The following MYO10 variants were observed in gnomAD, a reference collection of about 807,000 sequenced individuals.
MYO10 encodes myosin X.
A neutral mutation model predicts 257.3 loss-of-function variants in MYO10; 133 were observed. That is an observed-to-expected ratio of 0.52 (90% CI 0.45 to 0.60). MYO10 has a LOEUF of 0.60. MYO10 is among the 20% of genes least tolerant of loss of function. MYO10 has a pLI of 0.00. For missense variants in MYO10, 2,399 were observed against 2,635.7 expected, an observed-to-expected ratio of 0.91 and a Z score of 1.97; for synonymous variants, 1,104 against 1,028.6, an observed-to-expected ratio of 1.07 and a Z score of -1.40.
chr5:16,927,720 T>TG (rs978843761), intron 1 of MYO10, among the ~76,000 whole-genome samples: 1 of 152,210 alleles, frequency 6.6e-6, no homozygotes, highest in African/African-American at 2.4e-5. Context: ...AGCTATTAGT[T>TG]GGACAATTCC....
chr5:16,701,469 A>G lies in MYO10; in HGVS notation c.2926T>C (p.Cys976Arg), dbSNP rs778735957. 4 of 1,613,868 alleles carry G rather than the reference A, an allele frequency of 2.5e-6. No individual in the cohort carries two copies. In the Admixed American group the frequency reaches 6.7e-5, roughly 27 times the overall value. Residue 976 changes from cysteine (C) to arginine (R), a missense_variant, in exon 25 of 41, where the codon TGC (cysteine) becomes CGC (arginine). Cys to Arg is a radical substitution (Grantham distance 180). Around this residue, in one of 3 missense-constraint regions of MYO10, gnomAD observed 1,820 missense variants for 1,939.4 expected, o/e 0.94. Transcript: ENST00000513610. This position sits in a 1 kb window ranked among gnomAD's most constrained non-coding sequence, Gnocchi z 8.1. ...EFSSELAESA[C>R]EEKPNFNFSQ... Reference sequence around the variant, plus strand: ...AAGTTGAAGTTGGGCTTCTCCTCGCATGCGCTCTCAGCCAGCTCGCTGGAA... The same window carrying G: ...AAGTTGAAGTTGGGCTTCTCCTCGCGTGCGCTCTCAGCCAGCTCGCTGGAA...
chr5:16,910,445 T>C (rs1270581334), intron 1 of MYO10, among the ~76,000 whole-genome samples: 3 of 152,158 alleles, frequency 2.0e-5, no homozygotes, highest in Admixed American at 6.5e-5. Flanking sequence ...TTCCATAGTG[T>C]GACATCTATA....
chr5:16,701,885 T>A lies in MYO10; in HGVS notation c.2557-47A>T, dbSNP rs1738098956. On this transcript the variant is annotated intron_variant, in intron 24 of 40. Transcript: ENST00000513610. The surrounding 1 kb of genome is among the most constrained non-coding windows in gnomAD (Gnocchi z 8.1). Reference sequence around the variant, plus strand: ...ATTTCAGAAGGCTTCAGTACAAAAGTCCAAGCATAGCTCCCGCTTTGCAAC... The same window carrying A: ...ATTTCAGAAGGCTTCAGTACAAAAGACCAAGCATAGCTCCCGCTTTGCAAC... The A allele has an allele frequency of 3.3e-6, 5 of 1,536,954 alleles. No homozygotes were observed. The South Asian group carries it at 3.9e-5, about 12-fold the overall frequency.
chr5:16,817,977 A>T, intron 3 of MYO10, 32 bp downstream of exon 3: 1 of 1,450,922 alleles, frequency 6.9e-7, no homozygotes, highest in South Asian at 1.5e-5. Flanking sequence ...AAACGTGAGG[A>T]TCTTTTTAAA....
Position 16,666,650 on chromosome 5 carries a change from G to A in MYO10, c.*42C>T. The A allele has an allele frequency of 6.6e-7, 1 of 1,503,896 alleles. No homozygotes were observed. Among genetic ancestry groups the A allele is most frequent in the Non-Finnish European group, 9.0e-7 (1 of 1,109,582 alleles). The allele number at this position is 1,503,896 out of a possible 1,614,324, so 93.2% of individuals were successfully genotyped here. A position where few individuals can be genotyped will look rare whatever the true frequency, so the allele number is the denominator to read the frequency against. On this transcript the variant is annotated 3_prime_UTR_variant, in exon 41 of 41. Transcript: ENST00000513610. ...CTGGAGCCAGCCTAGGCCAGAGGGT[G>A]GTGCGTTCAGGTAGCAAAGACAGGT...
chr5:16,888,269 C>T (rs1744947281), intron 1 of MYO10, among the ~76,000 whole-genome samples: 1 of 152,126 alleles, frequency 6.6e-6, no homozygotes, highest in Non-Finnish European at 1.5e-5. Context: ...TGACTCACAC[C>T]TGTAATCTCA....
At chr5:16,805,343 TCCCA>T (rs1742240165) in intron 3 of MYO10, among the ~76,000 whole-genome samples, 1 of 149,878 alleles carries the variant, frequency 6.7e-6, no homozygotes, top group Non-Finnish European at 1.5e-5. Flanking sequence ...ATGCCTGTAA[TCCCA>T]GCTACTCGGG....
intron 1 of MYO10, among the ~76,000 whole-genome samples, chr5:16,899,285 T>C (rs1412299490): frequency 1.3e-5 from 2 of 152,104 alleles, no homozygotes; most frequent in Non-Finnish European, 2.9e-5. Flanking sequence ...TCTACTTTAC[T>C]TCAACATTCA....
intron 39 of MYO10, among the ~76,000 whole-genome samples, chr5:16,670,013 A>G (rs1736368420): frequency 6.6e-6 from 1 of 152,212 alleles, no homozygotes; most frequent in South Asian, 2.1e-4. Context: ...AGTTTGCCAA[A>G]CTCTCATCTA....
intron 33 of MYO10, among the ~76,000 whole-genome samples, chr5:16,678,527 C>T (rs893143789): frequency 1.3e-5 from 2 of 152,218 alleles, no homozygotes; most frequent in Non-Finnish European, 2.9e-5. Context: ...TTGCAGTGAG[C>T]TGAGATCGCA....
chr5:16,776,070 AT>A (rs1741202153), intron 9 of MYO10, among the ~76,000 whole-genome samples: 3 of 146,944 alleles, frequency 2.0e-5, no homozygotes, highest in African/African-American at 5.1e-5. Flanking sequence ...TAATTTTTGT[AT>A]TTTTTTGTAG....
intron 19 of MYO10, among the ~76,000 whole-genome samples, chr5:16,750,737 T>C (rs1740355761): frequency 6.6e-6 from 1 of 152,164 alleles, no homozygotes; most frequent in Admixed American, 6.5e-5. Flanking sequence ...GGCTCACACA[T>C]GTAATCCCAG....
rs752220882 is a variant in MYO10 at position 16,711,218 on chromosome 5, C to T, written c.1957G>A (p.Val653Met). Residue 653 changes from valine (V) to methionine (M), a missense_variant, in exon 20 of 41, where the codon GTG (valine) becomes ATG (methionine). Physicochemically the swap from Val to Met is conservative, Grantham distance 21. Around this residue, in one of 3 missense-constraint regions of MYO10, gnomAD observed 1,820 missense variants for 1,939.4 expected, o/e 0.94. Transcript: ENST00000513610. ...CCTGAGTACCGCAGCTGGTTCAGCA[C>T]AACCGCCTGGTCAAACTGGTCTGGC... ...KMPDQFDQAVVLNQLRYSGML... is the reference protein window; with the variant it reads ...KMPDQFDQAVMLNQLRYSGML... The T allele has an allele frequency of 3.1e-6, 5 of 1,612,464 alleles. No individual in the cohort carries two copies. The highest frequency in any genetic ancestry group is 3.3e-5 in the Admixed American group (2 of 59,816).
At chr5:16,870,139 T>C (rs113370960) in intron 2 of MYO10, among the ~76,000 whole-genome samples, 2,942 of 151,372 alleles carry the variant, frequency 0.019, 194 homozygotes, top group African/African-American at 0.068. Context: ...AGAATTATGA[T>C]GCCGCAGTCA....
intron 1 of MYO10, among the ~76,000 whole-genome samples, chr5:16,916,976 C>T (rs1462694803): frequency 2.6e-5 from 4 of 152,070 alleles, no homozygotes; most frequent in Non-Finnish European, 5.9e-5. Context: ...CAGAAATATA[C>T]AAATCAGGTC....
chr5:16,922,295 G>T (rs531041654), intron 1 of MYO10, among the ~76,000 whole-genome samples: 1 of 152,228 alleles, frequency 6.6e-6, no homozygotes, highest in Non-Finnish European at 1.5e-5. Context: ...GAATCCGAGG[G>T]GGAAAACTTC....
intron 4 of MYO10, among the ~76,000 whole-genome samples, chr5:16,793,504 G>A (rs1219514430): frequency 6.6e-6 from 1 of 152,028 alleles, no homozygotes; most frequent in East Asian, 1.9e-4. Context: ...TGCATTTTTA[G>A]TAGAAATGGG....
chr5:16,761,971 T>C (rs942717251), intron 16 of MYO10, 74 bp downstream of exon 16: 71 of 1,409,200 alleles, frequency 5.0e-5, no homozygotes, highest in Non-Finnish European at 6.5e-5. Flanking sequence ...AAATTCATGA[T>C]TGGCTTCTGA....
In MYO10 at chr5:16,711,002, T is replaced by C; in HGVS notation, c.2075A>G (p.Asn692Ser). Residue 692 changes from asparagine (N) to serine (S), a missense_variant, in exon 21 of 41, where the codon AAT (asparagine) becomes AGT (serine). Physicochemically the swap from Asn to Ser is conservative, Grantham distance 46 (BLOSUM62 1). Transcript: ENST00000513610. Reference protein sequence around the residue: ...FYKRYKVLMRNLALPEDVRGK... With the variant: ...FYKRYKVLMRSLALPEDVRGK... ...TCGGACGTCCTCAGGCAGAGCCAGATTCCTCATCAGCACTTTATACCTGCA... is the reference window on the plus strand; with the variant it reads ...TCGGACGTCCTCAGGCAGAGCCAGACTCCTCATCAGCACTTTATACCTGCA... 6.2e-7 allele frequency: 1 copy of C among 1,613,986 alleles called. No individual in the cohort carries two copies. Among genetic ancestry groups the C allele is most frequent in the Non-Finnish European group, 8.5e-7 (1 of 1,179,876 alleles).
Sources: allele counts gnomAD v4.1 joint callset (sites outside exome capture counted in the v4.1 genomes callset), GRCh38; gene constraint gnomAD v4.1.1; regional missense constraint gnomAD v4.1.1; non-coding constraint Gnocchi (gnomAD v3.1); transcripts MANE v1.5; gene names NCBI Gene and HGNC (gene_info 2026-07-23, HGNC 2026-07-21).